TTN: variants seen among roughly 807,000 people sequenced by gnomAD.
TTN encodes titin.
A neutral mutation model predicts 3,223.0 loss-of-function variants in TTN; 1,525 were observed. That is an observed-to-expected ratio of 0.47 (90% CI 0.45 to 0.49). The LOEUF is 0.49. TTN is among the 20% of genes least tolerant of loss of function. The probability of loss-of-function intolerance (pLI) is 0.00; values close to 1 mark genes in which losing one functional copy is unlikely to be tolerated. For synonymous variants in TTN, 14,094 were observed against 15,161.0 expected, an observed-to-expected ratio of 0.93 and a Z score of 5.17; for missense variants, 40,786 against 43,424.0, an observed-to-expected ratio of 0.94 and a Z score of 5.40.
In TTN at chr2:178,607,386, T is replaced by G; in HGVS notation, c.53287+15A>C. 1 of 1,612,930 alleles carries G rather than the reference T, an allele frequency of 6.2e-7. No homozygotes were observed. ...CTTGGGAAAATCCTGTGAAAATCAG[T>G]GCAACATTCCTTACCAAAAACTTCT... On this transcript the variant is annotated intron_variant, in intron 277 of 362. Coordinates refer to ENST00000589042, the MANE Select transcript of TTN (RefSeq NM_001267550.2).
chr2:178,586,147 G>A (rs959800409), intron 308 of TTN, among the ~76,000 whole-genome samples: 11 of 152,116 alleles, frequency 7.2e-5, no homozygotes, highest in Non-Finnish European at 1.3e-4. Context: ...ACTGGTGTGA[G>A]ATGGTATCTC....
intron 47 of TTN, chr2:178,747,191 A>G (rs1423067014): frequency 6.2e-7 from 1 of 1,605,286 alleles, no homozygotes; most frequent in Non-Finnish European, 8.5e-7. Flanking sequence ...GTATCTCTCT[A>G]GAGTCTCTCC....
In TTN at chr2:178,682,912, A is replaced by C. The variant is rs918016608; in HGVS notation, c.32888-9T>G. The C allele has an allele frequency of 1.3e-6, 2 of 1,587,836 alleles. No homozygotes were observed. The highest frequency in any genetic ancestry group is 1.7e-6 in the Non-Finnish European group (2 of 1,168,294). On this transcript the variant is annotated splice_polypyrimidine_tract_variant and intron_variant, in intron 134 of 362. Coordinates refer to ENST00000589042, the MANE Select transcript of TTN (RefSeq NM_001267550.2). ...TTCCATTATAGTTACTTCTGAAACA[A>C]TATTAACAACAGGCAGCACTTTACT...
Position 178,577,311 on chromosome 2 carries a change from C to G in TTN, c.69024G>C (p.Lys23008Asn). 2 of 1,612,778 alleles carry G rather than the reference C, an allele frequency of 1.2e-6. No individual in the cohort carries two copies. The highest frequency in any genetic ancestry group is 1.7e-6 in the Non-Finnish European group (2 of 1,179,474). Residue 23008 changes from lysine (K) to asparagine (N), a missense_variant, in exon 324 of 363, where the codon AAG (lysine) becomes AAC (asparagine). Coordinates refer to ENST00000589042, the MANE Select transcript of TTN (RefSeq NM_001267550.2). ...STPTSSMLTIKYATRKDAGEY... is the reference protein window; with the variant it reads ...STPTSSMLTINYATRKDAGEY... Reference sequence around the variant, plus strand: ...CACCCGCATCTTTTCTAGTGGCATACTTGATAGTAAGCATGGAAGATGTTG... The same window carrying G: ...CACCCGCATCTTTTCTAGTGGCATAGTTGATAGTAAGCATGGAAGATGTTG...
chr2:178,757,200 C>A (rs2087441733), intron 45 of TTN, among the ~76,000 whole-genome samples: 2 of 151,910 alleles, frequency 1.3e-5, no homozygotes, highest in African/African-American at 4.9e-5. Flanking sequence ...GTAAGTAATA[C>A]TGTACTTACT....
intron 13 of TTN, among the ~76,000 whole-genome samples, chr2:178,787,321 G>A (rs1228146372): frequency 3.3e-5 from 5 of 151,938 alleles, no homozygotes; most frequent in Non-Finnish European, 5.9e-5. Flanking sequence ...CATCTGCCTC[G>A]AAGGACTGCA....
chr2:178,540,087 G>C lies in TTN; in HGVS notation c.98079C>G (p.Val32693=), dbSNP rs769671513. Residue 32693 remains valine (V), a synonymous_variant, in exon 351 of 363, where the codon GTC becomes GTG. Transcript: ENST00000589042. The stretch of plus-strand genomic sequence containing the variant: ...TCTCACCAAGCATTTCAGTGACTTT[G>C]ACTGTTCCTGGTACCTCAGCAGGCT... ...PGEPAEVPGT[V]KVTEMLEYPD... 7 of 1,603,972 alleles carry C rather than the reference G, an allele frequency of 4.4e-6. No individual in the cohort carries two copies. The highest frequency in any genetic ancestry group is 6.0e-6 in the Non-Finnish European group (7 of 1,173,550).
In TTN at chr2:178,667,518, C is replaced by T. The variant is rs1192369884; in HGVS notation, c.35637G>A (p.Glu11879=). ...KTKPKLAKVP[E]PPKKVVPEDK... is the part of the protein sequence containing the mutation. Reference sequence around the variant, plus strand: ...CTTCTGGAACAACTTTCTTGGGTGGCTCAGGCACTTAAAAGATATGAGTAT... The same window carrying T: ...CTTCTGGAACAACTTTCTTGGGTGGTTCAGGCACTTAAAAGATATGAGTAT... The change falls in exon 161 of 363, where the codon GAG becomes GAA. Residue 11879 remains glutamate (E), a synonymous_variant. Coordinates refer to ENST00000589042, the MANE Select transcript of TTN (RefSeq NM_001267550.2). 1.9e-6 allele frequency: 3 copies of T among 1,597,234 alleles called. No homozygotes were observed. Among genetic ancestry groups the T allele is most frequent in the Non-Finnish European group, 2.5e-6 (3 of 1,179,090 alleles).
Position 178,637,146 on chromosome 2 carries a change from GATATATATAT to G in TTN, c.40927+213_40927+222del, listed in dbSNP as rs61216469. 7.7e-3 allele frequency among the ~76,000 whole-genome samples: 377 copies of G among 49,190 alleles called. 4 individuals carry two copies. The Middle Eastern group carries it at 0.083, about 11-fold the overall frequency. 32.3% of individuals were successfully genotyped at this position (49,190 alleles called of 152,430 possible). On this transcript the variant is annotated intron_variant, in intron 224 of 362. Coordinates refer to ENST00000589042, the MANE Select transcript of TTN (RefSeq NM_001267550.2). ...GATTCACTATGCTAAAATATAGTTG[GATATATATAT>G]ATATATATATATATATATATATATA... is the stretch of plus-strand genomic sequence containing the variant.
At position 178,581,785 on chromosome 2, in the gene TTN, A is replaced by G; in HGVS notation, c.66483T>C (p.Ala22161=). 6.3e-7 allele frequency: 1 copy of G among 1,599,450 alleles called. No homozygotes were observed. Among genetic ancestry groups the G allele is most frequent in the Non-Finnish European group, 8.5e-7 (1 of 1,172,610 alleles). Residue 22161 remains alanine, a synonymous_variant, in exon 316 of 363, where the codon GCT becomes GCC. Coordinates refer to ENST00000589042, the MANE Select transcript of TTN (RefSeq NM_001267550.2). ...RDPQYPPGPP[A]FPKVYDTTRS... ...GAGTTGTATCATATACTTTAGGGAA[A>G]GCCGGTGGGCCAGGAGGATCTGAGA...
At chr2:178,585,602 C>A (rs1364027198) in intron 308 of TTN, among the ~76,000 whole-genome samples, 1 of 152,020 alleles carries the variant, frequency 6.6e-6, no homozygotes, top group Non-Finnish European at 1.5e-5. Flanking sequence ...AGCCTCCCAA[C>A]CCCTGACAGG....
rs758189623 is a variant in TTN at position 178,575,722 on chromosome 2, G to A, written c.70410C>T (p.Tyr23470=). The change falls in exon 326 of 363, where the codon TAC becomes TAT. Residue 23470 remains tyrosine, a synonymous_variant. Coordinates refer to ENST00000589042, the MANE Select transcript of TTN (RefSeq NM_001267550.2). This position sits in a 1 kb window ranked among gnomAD's most constrained non-coding sequence, Gnocchi z 4.0. Reference sequence around the variant, plus strand: ...GTGTTGCTTCACGTTTCTCTACAATGTAGTTTGTTATACGTGAGCCTCCAT... The same window carrying A: ...GTGTTGCTTCACGTTTCTCTACAATATAGTTTGTTATACGTGAGCCTCCAT... ...LIDGGSRITN[Y]IVEKREATRK... 5 of 1,613,526 alleles carry A rather than the reference G, an allele frequency of 3.1e-6. No individual in the cohort carries two copies. In the Admixed American group the frequency reaches 5.0e-5, roughly 16 times the overall value.
chr2:178,562,452 T>G lies in TTN; in HGVS notation c.83680A>C (p.Lys27894Gln), dbSNP rs753572520. 6.2e-7 allele frequency: 1 copy of G among 1,613,280 alleles called. No individual in the cohort carries two copies. Among genetic ancestry groups the G allele is most frequent in the Middle Eastern group, 1.7e-4 (1 of 6,058 alleles). ...ATTTCAACCACATAACCAGTAATTTTGCTGCCACCATCACTTTCTGGTTTC... is the reference window on the plus strand; with the variant it reads ...ATTTCAACCACATAACCAGTAATTTGGCTGCCACCATCACTTTCTGGTTTC... ...WEKPESDGGSKITGYVVEMQT... is the reference protein window; with the variant it reads ...WEKPESDGGSQITGYVVEMQT... Residue 27894 changes from lysine (K) to glutamine (Q), a missense_variant, in exon 326 of 363, where the codon AAA becomes CAA. Transcript: ENST00000589042.
rs1292457509 is a variant in TTN at position 178,590,615 on chromosome 2, T to C, written c.61110A>G (p.Lys20370=). ...SDPIKACRPI[K]PPGPPINPKL... ...TAGGATTAATAGGTGGTCCAGGTGG[T>C]TTGATGGGCCGGCAAGCTTTTATTG... is the stretch of plus-strand genomic sequence containing the variant. The change falls in exon 304 of 363, where the codon AAA becomes AAG. Residue 20370 remains lysine, a synonymous_variant. Transcript: ENST00000589042. 4 of 1,612,814 alleles carry C rather than the reference T, an allele frequency of 2.5e-6. No homozygotes were observed. The highest frequency in any genetic ancestry group is 2.7e-5 in the African/African-American group (2 of 74,846).
In TTN at chr2:178,636,113, C is replaced by T. The variant is rs376127282; in HGVS notation, c.41458G>A (p.Val13820Met). ...GGCACAATTCGGCCAGGTTTCTCCA[C>T]CACAATCTTGCCATCCTTCCTCCAG... ...VVWRKDGKIV[V>M]EKPGRIVPGV... Residue 13820 changes from valine to methionine, a missense_variant, in exon 226 of 363, where the codon GTG (valine) becomes ATG (methionine). Physicochemically the swap from Val to Met is conservative, Grantham distance 21 (BLOSUM62 1). Transcript: ENST00000589042. This position sits in a 1 kb window ranked among gnomAD's most constrained non-coding sequence, Gnocchi z 4.3. 5 of 1,613,074 alleles carry T rather than the reference C, an allele frequency of 3.1e-6. No individual in the cohort carries two copies. The highest frequency in any genetic ancestry group is 4.2e-6 in the Non-Finnish European group (5 of 1,179,500).
rs2078711757 is a variant in TTN at position 178,723,165 on chromosome 2, G to C, written c.21842C>G (p.Thr7281Arg). 6.2e-7 allele frequency: 1 copy of C among 1,613,292 alleles called. No individual in the cohort carries two copies. ...TTSEKCNIVT[T>R]EKTCILEILN... ...AATTTCCAGGATACAAGTTTTCTCT[G>C]TTGTGACTATGTTACATTTTTCAGA... is the stretch of plus-strand genomic sequence containing the variant. Residue 7281 changes from threonine (T) to arginine (R), a missense_variant, in exon 75 of 363, where the codon ACA becomes AGA. Transcript: ENST00000589042.
Position 178,734,429 on chromosome 2 carries a change from A to G in TTN, c.15395T>C (p.Leu5132Pro). 1 of 1,613,810 alleles carries G rather than the reference A, an allele frequency of 6.2e-7. No homozygotes were observed. Among genetic ancestry groups the G allele is most frequent in the Non-Finnish European group, 8.5e-7 (1 of 1,179,760 alleles). Residue 5132 changes from leucine to proline, a missense_variant, in exon 52 of 363, where the codon CTG (leucine) becomes CCG (proline). Physicochemically the swap from Leu to Pro is moderately conservative, Grantham distance 98. Transcript: ENST00000589042. Reference sequence around the variant, plus strand: ...TGCACTATTAAACGAAAAGATCTCCAGACACACAAGAGACTTCTGAGAAAA... The same window carrying G: ...TGCACTATTAAACGAAAAGATCTCCGGACACACAAGAGACTTCTGAGAAAA... ...RLFSQKSLVC[L>P]EIFSFNSADV...
In TTN at chr2:178,559,388, T is replaced by C. The variant is rs764006835; in HGVS notation, c.86744A>G (p.Tyr28915Cys). Residue 28915 changes from tyrosine to cysteine, a missense_variant, in exon 326 of 363, where the codon TAT becomes TGT. Coordinates refer to ENST00000589042, the MANE Select transcript of TTN (RefSeq NM_001267550.2). ...KVTNLQEGAI[Y>C]YFRVSGENEF... ...ATTTTCTCCAGAGACTCTGAAGTAA[T>C]AGATAGCTCCTTCTTGTAAATTGGT... The C allele has an allele frequency of 6.2e-7, 1 of 1,613,592 alleles. No individual in the cohort carries two copies. Among genetic ancestry groups the C allele is most frequent in the African/African-American group, 1.3e-5 (1 of 74,918 alleles).
intron 240 of TTN, among the ~76,000 whole-genome samples, chr2:178,625,720 T>C (rs2058939455): frequency 6.6e-6 from 1 of 152,034 alleles, no homozygotes. Context: ...ATCATGCTGC[T>C]GTAAAGACAC....
Sources: gnomAD v4.1 joint callset for allele counts (sites outside exome capture counted in the v4.1 genomes callset) on GRCh38, gnomAD v4.1.1 for gene constraint, Gnocchi (gnomAD v3.1) non-coding constraint, MANE v1.5 for transcripts, NCBI Gene and HGNC (gene_info 2026-07-23, HGNC 2026-07-21) for gene names.